Variants in MYL4 observed in about 807,000 individuals in gnomAD.
The protein encoded by MYL4 is myosin light chain 4, also known as atrial myosin light chain 1.
In MYL4, 16 loss-of-function variants were observed where a neutral mutation model predicts 21.6. The observed-to-expected ratio is 0.74, with a 90% CI of 0.50 to 1.12. The LOEUF (loss-of-function observed/expected upper bound fraction) is 1.12, where lower values mean the gene tolerates loss of function less well. Among genes scored for constraint, MYL4 ranks in the 50% most tolerant of loss-of-function variants. MYL4 has a pLI of 0.00. For missense variants in MYL4, 249 were observed against 252.9 expected, an observed-to-expected ratio of 0.98 and a Z score of 0.11; for synonymous variants, 82 against 95.7, an observed-to-expected ratio of 0.86 and a Z score of 0.83.
chr17:47,190,334 G>A, the MYL4 span, among the ~76,000 whole-genome samples: 2 of 152,110 alleles, frequency 1.3e-5, no homozygotes, highest in African/African-American at 4.8e-5. Flanking sequence ...AAATGTGGCC[G>A]TGTCTAGCAT....
the MYL4 span, chr17:47,189,567 T>C: frequency 3.1e-6 from 1 of 326,806 alleles, no homozygotes; most frequent in South Asian, 3.2e-5. Flanking sequence ...ACCAGCAGGC[T>C]GGGCGTGGCG....
chr17:47,202,281 A>T (rs112366863), intron 1 of MYL4, among the ~76,000 whole-genome samples: 2,467 of 152,308 alleles, frequency 0.016, 55 homozygotes, highest in African/African-American at 0.056. Flanking sequence ...CCACTGTGCC[A>T]GGCCCACATT....
chr17:47,193,491 CT>C, the MYL4 span, among the ~76,000 whole-genome samples: 5 of 151,892 alleles, frequency 3.3e-5, no homozygotes, highest in South Asian at 2.1e-4. Flanking sequence ...TGGTCTCGAA[CT>C]CTTGACCTCA....
chr17:47,221,442 C>G lies in MYL4; in HGVS notation c.314-240C>G, dbSNP rs543833316. ...TGGAGGGCTCCTTTTTCCTTCCATC[C>G]TACTGCTTTCACTGAGAAAAGAGGG... On this transcript the variant is annotated intron_variant, in intron 3 of 6. Coordinates refer to ENST00000393450, the MANE Select transcript of MYL4 (RefSeq NM_002476.2). Among the ~76,000 whole-genome samples the G allele has an allele frequency of 1.8e-4, 27 of 152,262 alleles. No individual in the cohort carries two copies. The East Asian group carries it at 4.8e-3, about 27-fold the overall frequency.
At chr17:47,216,962 G>A (rs1004814481) in intron 2 of MYL4, among the ~76,000 whole-genome samples, 1 of 152,082 alleles carries the variant, frequency 6.6e-6, no homozygotes, top group African/African-American at 2.4e-5. Flanking sequence ...CCAAAGTACT[G>A]GGATTACAGG....
chr17:47,217,464 A>G (rs2064823538), intron 2 of MYL4, among the ~76,000 whole-genome samples: 1 of 152,174 alleles, frequency 6.6e-6, no homozygotes, highest in Non-Finnish European at 1.5e-5. Flanking sequence ...TCTCCAAAAA[A>G]AAAAAAGATT....
At chr17:47,225,371 T>C (rs767775820), downstream of MYL4, among the ~76,000 whole-genome samples, 98 of 152,206 alleles carry the variant, frequency 6.4e-4, no homozygotes, top group Non-Finnish European at 1.2e-3. Context: ...TTGAATCCAG[T>C]GGTTCTCAAA....
chr17:47,211,861 G>A (rs1251145405), intron 1 of MYL4, among the ~76,000 whole-genome samples: 1 of 151,876 alleles, frequency 6.6e-6, no homozygotes, highest in Non-Finnish European at 1.5e-5. Context: ...CAGTGGAGAG[G>A]GGATGGGATG....
upstream of MYL4, chr17:47,209,154 AG>A: frequency 1.7e-6 from 1 of 582,190 alleles, no homozygotes; most frequent in Non-Finnish European, 3.1e-6. Flanking sequence ...CCTGTCCTAG[AG>A]GTGAAGAGAG....
At chr17:47,194,748 C>G in the MYL4 span, among the ~76,000 whole-genome samples, 2 of 151,960 alleles carry the variant, frequency 1.3e-5, no homozygotes, top group African/African-American at 4.8e-5. Flanking sequence ...TATAGTCCAC[C>G]TTCCAATTAC....
intron 2 of MYL4, among the ~76,000 whole-genome samples, chr17:47,215,734 C>A (rs1308984299): frequency 1.3e-5 from 2 of 152,168 alleles, no homozygotes; most frequent in African/African-American, 2.4e-5. Flanking sequence ...GTTTTCAAAT[C>A]CCTCCTAAGA....
At chr17:47,222,737 C>T (rs1328630943) in intron 5 of MYL4, among the ~76,000 whole-genome samples, 1 of 152,116 alleles carries the variant, frequency 6.6e-6, no homozygotes, top group Admixed American at 6.5e-5. Context: ...GGGGGTGATG[C>T]TGGCACCTTT....
At chr17:47,212,941 C>T (rs928866770) in intron 1 of MYL4, among the ~76,000 whole-genome samples, 4 of 152,164 alleles carry the variant, frequency 2.6e-5, no homozygotes, top group African/African-American at 7.2e-5. Flanking sequence ...TTGTACTTAA[C>T]GAGGGATATG....
intron 1 of MYL4, among the ~76,000 whole-genome samples, chr17:47,202,613 C>T (rs2149038428): frequency 6.6e-6 from 1 of 151,514 alleles, no homozygotes; most frequent in Non-Finnish European, 1.5e-5. Context: ...TACATCTGTC[C>T]AAATTAAGTA....
At chr17:47,201,428 T>C (rs982835806) in intron 1 of MYL4, among the ~76,000 whole-genome samples, 2 of 152,132 alleles carry the variant, frequency 1.3e-5, no homozygotes, top group African/African-American at 4.8e-5. Context: ...TGCAACGCCT[T>C]TCTTGTTTAA....
chr17:47,196,573 ATAT>A (rs1895739185), upstream of MYL4, among the ~76,000 whole-genome samples: 1 of 152,232 alleles, frequency 6.6e-6, no homozygotes, highest in Non-Finnish European at 1.5e-5. Flanking sequence ...GTCTTTCTAC[ATAT>A]TATTCTTTCT....
downstream of MYL4, among the ~76,000 whole-genome samples, chr17:47,224,886 G>C (rs575262397): frequency 1.3e-5 from 2 of 152,280 alleles, no homozygotes; most frequent in African/African-American, 2.4e-5. Context: ...GGCTGAGAGA[G>C]GAGGAGAGTG....
At chr17:47,204,168 C>T (rs1364605364), upstream of MYL4, among the ~76,000 whole-genome samples, 3 of 152,208 alleles carry the variant, frequency 2.0e-5, no homozygotes, top group African/African-American at 4.8e-5. Context: ...CACCGTTTGT[C>T]ATAAGACAGT....
At chr17:47,227,505 T>C (rs566894252), downstream of MYL4, among the ~76,000 whole-genome samples, 2 of 152,246 alleles carry the variant, frequency 1.3e-5, no homozygotes, top group Admixed American at 1.3e-4. Context: ...AAATTTACAC[T>C]GAATGTGCCT....
Sources: allele counts gnomAD v4.1 joint callset (sites outside exome capture counted in the v4.1 genomes callset), GRCh38; gene constraint gnomAD v4.1.1; transcripts MANE v1.5; gene names NCBI Gene and HGNC (gene_info 2026-07-23, HGNC 2026-07-21).